VIPAS39: variants seen among roughly 807,000 people sequenced by gnomAD.
The protein encoded by VIPAS39 is VPS33B interacting protein, apical-basolateral polarity regulator, spe-39 homolog.
In VIPAS39, 63 loss-of-function variants were observed where a neutral mutation model predicts 84.7. The observed-to-expected ratio is 0.74, with a 90% CI of 0.61 to 0.92. The LOEUF is 0.92. Ranked by LOEUF, VIPAS39 falls within the 40% of genes least tolerant of loss-of-function variation. The pLI is 0.00. For missense variants in VIPAS39, 499 were observed against 604.5 expected, an observed-to-expected ratio of 0.83 and a Z score of 1.83; for synonymous variants, 192 against 216.5, an observed-to-expected ratio of 0.89 and a Z score of 0.99.
At chr14:77,453,168 T>C in intron 3 of VIPAS39, 131 bp downstream of exon 3, 2 of 977,618 alleles carry the variant, frequency 2.0e-6, no homozygotes, top group South Asian at 1.3e-5. Context: ...AGTTTCCAGA[T>C]GTATGCTTAT....
intron 12 of VIPAS39, among the ~76,000 whole-genome samples, chr14:77,437,018 C>T (rs1246715511): frequency 6.6e-6 from 1 of 152,186 alleles, no homozygotes. Context: ...TTTAACTTTT[C>T]TCCTTGTTTT....
intron 15 of VIPAS39, 106 bp from the exon 16 acceptor site, chr14:77,434,037 T>G: frequency 7.3e-7 from 1 of 1,371,646 alleles, no homozygotes; most frequent in East Asian, 2.3e-5. Context: ...TGATATTGAC[T>G]CTGCCCCTTA....
intron 7 of VIPAS39, among the ~76,000 whole-genome samples, chr14:77,447,936 A>G (rs1384230269): frequency 4.6e-5 from 7 of 151,432 alleles, no homozygotes; most frequent in Admixed American, 4.6e-4. Context: ...TGCTGGGATT[A>G]CAGGCGTGAG....
chr14:77,437,723 C>A lies in VIPAS39; in HGVS notation c.836+85G>T, dbSNP rs148151971. The stretch of plus-strand genomic sequence containing the variant: ...TTCATTGTTAGCCCTCCCCTTCCTG[C>A]CTATCCATTCCACCCTTTTTAATTT... On this transcript the variant is annotated intron_variant, in intron 12 of 19. Coordinates refer to ENST00000557658, the MANE Select transcript of VIPAS39 (RefSeq NM_001193315.2). The A allele has an allele frequency of 1.1e-4, 161 of 1,402,344 alleles. No individual in the cohort carries two copies. In the East Asian group the frequency reaches 3.2e-3, roughly 28 times the overall value. The allele number at this position is 1,402,344 out of a possible 1,614,324, so 86.9% of individuals were successfully genotyped here.
chr14:77,435,746 AAGAAATGACCCACGTGC>A lies in VIPAS39; in HGVS notation c.912+81_912+97del, dbSNP rs535809572. On this transcript the variant is annotated intron_variant, in intron 13 of 19. Coordinates refer to ENST00000557658, the MANE Select transcript of VIPAS39 (RefSeq NM_001193315.2). The stretch of plus-strand genomic sequence containing the variant: ...AAATGAAAGGCTTTTAGAAACCAGT[AAGAAATGACCCACGTGC>A]AGAGCATAGAAATCTCCTAGATGCT... 1.1e-3 allele frequency: 1,469 copies of A among 1,344,754 alleles called. 5 individuals are homozygous for A. Among genetic ancestry groups the A allele is most frequent in the Non-Finnish European group, 8.1e-4 (755 of 936,306 alleles). 83.3% of individuals were successfully genotyped at this position (1,344,754 alleles called of 1,614,324 possible).
intron 10 of VIPAS39, among the ~76,000 whole-genome samples, chr14:77,442,154 A>G (rs1310371878): frequency 6.6e-6 from 1 of 152,232 alleles, no homozygotes; most frequent in Non-Finnish European, 1.5e-5. Flanking sequence ...AAAACACTTA[A>G]TAAATACTAA....
chr14:77,436,231 A>C (rs986269025), intron 12 of VIPAS39, among the ~76,000 whole-genome samples: 1 of 152,212 alleles, frequency 6.6e-6, no homozygotes, highest in African/African-American at 2.4e-5. Flanking sequence ...TCACAAAGCT[A>C]ATGAGTGAGC....
Position 77,443,222 on chromosome 14 carries a change from C to A in VIPAS39, c.598-70G>T. 3.8e-6 allele frequency: 6 copies of A among 1,583,814 alleles called. No homozygotes were observed. The East Asian group carries it at 6.7e-5, about 18-fold the overall frequency. On this transcript the variant is annotated intron_variant, in intron 8 of 19. Coordinates refer to ENST00000557658, the MANE Select transcript of VIPAS39 (RefSeq NM_001193315.2). ...AGTCATGCCCTGAGCACTACAGACA[C>A]GGGGCCAGCAACTCATTAGCAATCT...
intron 16 of VIPAS39, among the ~76,000 whole-genome samples, chr14:77,432,021 G>T (rs921602445): frequency 6.6e-6 from 1 of 152,082 alleles, no homozygotes; most frequent in African/African-American, 2.4e-5. Context: ...TGGAATATTA[G>T]CTTTAGAGAT....
chr14:77,451,866 G>A (rs1005087601), intron 3 of VIPAS39, among the ~76,000 whole-genome samples: 5 of 152,172 alleles, frequency 3.3e-5, no homozygotes, highest in Admixed American at 2.0e-4. Context: ...TAGGGAAACT[G>A]GAACCCTCCT....
At chr14:77,435,996 A>C in intron 12 of VIPAS39, 77 bp from the exon 13 acceptor site, 2 of 1,466,862 alleles carry the variant, frequency 1.4e-6, no homozygotes, top group Admixed American at 1.7e-5. Context: ...AATCGCCAGC[A>C]TAAGTATAAG....
rs1566743094 is a variant in VIPAS39, at chr14:77,457,210, A to C, written c.-1+285T>G. 2.6e-6 allele frequency: 4 copies of C among 1,513,120 alleles called. No individual in the cohort carries two copies. In the South Asian group the frequency reaches 3.7e-5, roughly 14 times the overall value. 93.7% of individuals were successfully genotyped at this position (1,513,120 alleles called of 1,614,324 possible). A position where few individuals can be genotyped will look rare whatever the true frequency, so the allele number is the denominator to read the frequency against. On this transcript the variant is annotated intron_variant, in intron 1 of 19. Coordinates refer to ENST00000557658, the MANE Select transcript of VIPAS39 (RefSeq NM_001193315.2). ...AGGATGACTCTACGGGTGAACGTCC[A>C]GGAAGCCATGGATCTACCGCAGTCG... is the stretch of plus-strand genomic sequence containing the variant.
intron 1 of VIPAS39, among the ~76,000 whole-genome samples, chr14:77,455,732 T>C (rs1462398462): frequency 1.3e-5 from 2 of 152,226 alleles, no homozygotes; most frequent in Non-Finnish European, 2.9e-5. Flanking sequence ...CCCTTAAAGA[T>C]ACTCTACTGT....
Position 77,457,587 on chromosome 14 carries a change from G to C in VIPAS39, c.-93C>G, listed in dbSNP as rs764730503. 4.9e-5 allele frequency: 28 copies of C among 569,872 alleles called. No individual in the cohort carries two copies. Among genetic ancestry groups the C allele is most frequent in the Non-Finnish European group, 8.1e-5 (26 of 321,330 alleles). The allele number at this position is 569,872 out of a possible 1,614,324, so 35.3% of individuals were successfully genotyped here. On this transcript the variant is annotated 5_prime_UTR_variant, in exon 1 of 20. Coordinates refer to ENST00000557658, the MANE Select transcript of VIPAS39 (RefSeq NM_001193315.2). ...ATTCAGGCTGTGCAGCTTAGAGAAG[G>C]GGGCGGAAGGGAATAATCGTAGGGC... is the stretch of plus-strand genomic sequence containing the variant.
chr14:77,442,804 T>C (rs949199779), intron 9 of VIPAS39, 142 bp from the exon 10 acceptor site: 2 of 840,434 alleles, frequency 2.4e-6, no homozygotes, highest in South Asian at 2.8e-5. Flanking sequence ...TATGTCTTAA[T>C]TCACCATCAA....
intron 8 of VIPAS39, 27 bp from the exon 9 acceptor site, chr14:77,443,179 G>A (rs186027597): frequency 3.5e-5 from 56 of 1,614,070 alleles, no homozygotes; most frequent in Non-Finnish European, 4.2e-5. Context: ...CAAAGACTGT[G>A]CAAACTTTCC....
rs1302932682 is a variant in VIPAS39 at position 77,457,549 on chromosome 14, G to A, written c.-55C>T. The stretch of plus-strand genomic sequence containing the variant: ...ACAGCGCCAGCCTCCGCCGCCGCTG[G>A]ACCAGCCCTTCTATTCAGGCTGTGC... On this transcript the variant is annotated 5_prime_UTR_variant, in exon 1 of 20. Transcript: ENST00000557658. The A allele has an allele frequency of 6.0e-6, 4 of 667,092 alleles. No homozygotes were observed. The highest frequency in any genetic ancestry group is 7.6e-6 in the Non-Finnish European group (3 of 394,052). 41.3% of individuals were successfully genotyped at this position (667,092 alleles called of 1,614,324 possible). A position where few individuals can be genotyped will look rare whatever the true frequency, so the allele number is the denominator to read the frequency against.
At chr14:77,437,298 C>T (rs112581788) in intron 12 of VIPAS39, among the ~76,000 whole-genome samples, 32 of 152,268 alleles carry the variant, frequency 2.1e-4, no homozygotes, top group African/African-American at 4.8e-4. Flanking sequence ...TCAAGAGCAA[C>T]GGGCATCCTG....
In VIPAS39 at chr14:77,435,335, CG is replaced by C. The variant is rs1273105204; in HGVS notation, c.970del (p.Arg324AlafsTer10). On this transcript the variant is annotated frameshift_variant, in exon 14 of 20. Coordinates refer to ENST00000557658, the MANE Select transcript of VIPAS39 (RefSeq NM_001193315.2). LOFTEE classifies it high-confidence loss of function. ...GQTEIFRKHP[R>X]KASILNMPLV... ...TGGCATGTTGAGGATGGAGGCTTTG[CG>C]GGGGTGCTTTCGGAAGATCTCAGTC... 1 of 1,595,172 alleles carries C rather than the reference CG, an allele frequency of 6.3e-7. No homozygotes were observed. The highest frequency in any genetic ancestry group is 8.5e-7 in the Non-Finnish European group (1 of 1,171,714).
Sources: gnomAD v4.1 joint callset for allele counts (sites outside exome capture counted in the v4.1 genomes callset) on GRCh38, gnomAD v4.1.1 for gene constraint, MANE v1.5 for transcripts, NCBI Gene and HGNC (gene_info 2026-07-23, HGNC 2026-07-21) for gene names.